Variants in SLC6A7 observed in about 807,000 individuals in gnomAD.
SLC6A7 encodes solute carrier family 6 member 7.
A neutral mutation model predicts 73.1 loss-of-function variants in SLC6A7; 58 were observed. That is an observed-to-expected ratio of 0.79 (90% confidence interval 0.64 to 0.99). The LOEUF is 0.99. SLC6A7 is among the 50% of genes least tolerant of loss of function. The pLI, the probability that SLC6A7 is intolerant of heterozygous loss-of-function variation, is 0.00. For synonymous variants in SLC6A7, 338 were observed against 338.7 expected, an observed-to-expected ratio of 1.00 and a Z score of 0.02; for missense variants, 783 against 831.4, an observed-to-expected ratio of 0.94 and a Z score of 0.72.
In SLC6A7 at chr5:150,203,809, C is replaced by A; in HGVS notation, c.1200+30C>A. ...GTCTCGTCTGTGGCAGCAGGCACCC[C>A]GTGTGTGTGTGGTGTGTGTGTGTGT... On this transcript the variant is annotated intron_variant, in intron 9 of 13. Transcript: ENST00000230671. 3 of 1,468,386 alleles carry A rather than the reference C, an allele frequency of 2.0e-6. 1 individual carries two copies. Among genetic ancestry groups the A allele is most frequent in the South Asian group, 2.3e-5 (2 of 87,738 alleles). 91.0% of individuals were successfully genotyped at this position (1,468,386 alleles called of 1,614,324 possible).
intron 1 of SLC6A7, among the ~76,000 whole-genome samples, chr5:150,190,630 G>GGCGC (rs1369554276): frequency 6.1e-4 from 93 of 152,312 alleles, no homozygotes; most frequent in African/African-American, 2.0e-3. Flanking sequence ...AGTCCCCGGA[G>GGCGC]GCGCGGGGTA....
chr5:150,194,832 C>G lies in SLC6A7; in HGVS notation c.138C>G (p.Phe46Leu). The G allele has an allele frequency of 6.2e-7, 1 of 1,614,182 alleles. No homozygotes were observed. Among genetic ancestry groups the G allele is most frequent in the African/African-American group, 1.3e-5 (1 of 75,040 alleles). Residue 46 changes from phenylalanine to leucine, a missense_variant, in exon 2 of 14, where the codon TTC becomes TTG. Transcript: ENST00000230671. ...GGAACTGGACAGGCAAGCTGGACTT[C>G]CTGCTGTCCTGCATTGGCTACTGTG... The part of the protein sequence containing the change: ...HRGNWTGKLD[F>L]LLSCIGYCVG...
chr5:150,208,494 C>T (rs565886766), intron 13 of SLC6A7, among the ~76,000 whole-genome samples: 14 of 152,168 alleles, frequency 9.2e-5, no homozygotes, highest in Non-Finnish European at 1.6e-4. Flanking sequence ...CCCTGGTGCA[C>T]ACTTTGGATT....
intron 1 of SLC6A7, 96 bp from the exon 2 acceptor site, chr5:150,194,632 T>G (rs974895094): frequency 1.2e-6 from 1 of 852,422 alleles, no homozygotes; most frequent in African/African-American, 1.7e-5. Flanking sequence ...TGTCTTTTCA[T>G]TTAGCCCTGT....
Position 150,202,673 on chromosome 5 carries a change from G to A in SLC6A7, c.1057G>A (p.Gly353Ser), listed in dbSNP as rs777701623. 1 of 1,614,180 alleles carries A rather than the reference G, an allele frequency of 6.2e-7. No individual in the cohort carries two copies. The highest frequency in any genetic ancestry group is 2.2e-5 in the East Asian group (1 of 44,890). The change falls in exon 8 of 14, where the codon GGC becomes AGC. Residue 353 changes from glycine (G) to serine (S), a missense_variant. Coordinates refer to ENST00000230671, the MANE Select transcript of SLC6A7 (RefSeq NM_014228.5). Reference sequence around the variant, plus strand: ...GCTGGGCTACATGTCTCAGGAGCTGGGCGTGCCTGTGGACCAAGTAGCCAA... The same window carrying A: ...GCTGGGCTACATGTCTCAGGAGCTGAGCGTGCCTGTGGACCAAGTAGCCAA... Reference protein sequence around the residue: ...SVLGYMSQELGVPVDQVAKAG... With the variant: ...SVLGYMSQELSVPVDQVAKAG...
At chr5:150,201,644 C>T (rs748669256) in intron 6 of SLC6A7, among the ~76,000 whole-genome samples, 1 of 152,088 alleles carries the variant, frequency 6.6e-6, no homozygotes, top group Admixed American at 6.6e-5. Context: ...AACTGAGGCT[C>T]AAAAGGGTTC....
At chr5:150,200,355 T>C (rs1753308938) in intron 5 of SLC6A7, among the ~76,000 whole-genome samples, 1 of 152,098 alleles carries the variant, frequency 6.6e-6, no homozygotes, top group Admixed American at 6.5e-5. Flanking sequence ...TAGCCGGGCA[T>C]GATGGCAGGT....
At position 150,209,799 on chromosome 5, in the gene SLC6A7, C is replaced by T; in HGVS notation, c.*184C>T. ...GCCTCTCCTGAAACCTCTGACAACC[C>T]CCTACACACACACACAGGCATACTC... On this transcript the variant is annotated 3_prime_UTR_variant, in exon 14 of 14. Coordinates refer to ENST00000230671, the MANE Select transcript of SLC6A7 (RefSeq NM_014228.5). 1 of 616,768 alleles carries T rather than the reference C, an allele frequency of 1.6e-6. No homozygotes were observed. Among genetic ancestry groups the T allele is most frequent in the Non-Finnish European group, 2.9e-6 (1 of 341,558 alleles). 38.2% of individuals were successfully genotyped at this position (616,768 alleles called of 1,614,324 possible). A position where few individuals can be genotyped will look rare whatever the true frequency, so the allele number is the denominator to read the frequency against.
intron 8 of SLC6A7, 100 bp downstream of exon 8, chr5:150,202,803 G>C: frequency 7.3e-7 from 1 of 1,364,470 alleles, no homozygotes; most frequent in Non-Finnish European, 1.0e-6. Flanking sequence ...GGCCAGGCGC[G>C]GTGGCTCATG....
In SLC6A7 at chr5:150,197,150, C is replaced by G. The variant is rs1219448561; in HGVS notation, c.458C>G (p.Pro153Arg). Residue 153 changes from proline to arginine, a missense_variant, in exon 4 of 14, where the codon CCC becomes CGC. Physicochemically the swap from Pro to Arg is moderately radical, Grantham distance 103 (BLOSUM62 -2). Transcript: ENST00000230671. ...YLFASLTSDLPWEHCGNWWNT... is the reference protein window; with the variant it reads ...YLFASLTSDLRWEHCGNWWNT... The stretch of plus-strand genomic sequence containing the variant: ...TTCGCCTCCCTCACCAGCGACCTAC[C>G]CTGGGAGCACTGTGGCAACTGGTGG... The G allele has an allele frequency of 3.1e-6, 5 of 1,614,070 alleles. No individual in the cohort carries two copies. Among genetic ancestry groups the G allele is most frequent in the Non-Finnish European group, 4.2e-6 (5 of 1,179,996 alleles).
intron 13 of SLC6A7, among the ~76,000 whole-genome samples, chr5:150,207,086 C>G: frequency 6.6e-6 from 1 of 152,146 alleles, no homozygotes; most frequent in East Asian, 1.9e-4. Flanking sequence ...GCCAGCCTCG[C>G]GGCCCTAAGC....
chr5:150,198,811 GGTGTGTGTGTGTGTGTGTGTGT>G (rs774414750), intron 4 of SLC6A7, among the ~76,000 whole-genome samples: 4 of 112,102 alleles, frequency 3.6e-5, no homozygotes, highest in South Asian at 3.3e-4. Context: ...GGCCCTGGAT[GGTGTGTGTGTGTGTGTGTGTGT>G]GTGTGTGTGT....
chr5:150,196,769 T>G lies in SLC6A7; in HGVS notation c.271T>G (p.Phe91Val). The G allele has an allele frequency of 6.2e-7, 1 of 1,614,084 alleles. No individual in the cohort carries two copies. The highest frequency in any genetic ancestry group is 8.5e-7 in the Non-Finnish European group (1 of 1,179,964). Residue 91 changes from phenylalanine to valine, a missense_variant, in exon 3 of 14, where the codon TTC (phenylalanine) becomes GTC (valine). Transcript: ENST00000230671. The part of the protein sequence containing the change: ...LMLAICGIPL[F>V]FLELSLGQFS... Reference sequence around the variant, plus strand: ...GCTGGCCATCTGTGGCATCCCCCTCTTCTTCCTGGAGCTCTCCCTGGGCCA... The same window carrying G: ...GCTGGCCATCTGTGGCATCCCCCTCGTCTTCCTGGAGCTCTCCCTGGGCCA...
chr5:150,198,863 T>TGA (rs749832541), intron 4 of SLC6A7, among the ~76,000 whole-genome samples: 21 of 144,678 alleles, frequency 1.5e-4, no homozygotes, highest in Non-Finnish European at 3.0e-4. Context: ...TGTGTGTGTG[T>TGA]GGTGTACACA....
intron 11 of SLC6A7, 97 bp downstream of exon 11, chr5:150,204,728 G>A: frequency 2.2e-6 from 3 of 1,356,812 alleles, no homozygotes; most frequent in South Asian, 2.4e-5. Context: ...TGGTCCCAAG[G>A]GCCAGGGTTT....
At chr5:150,198,858 G>GTA (rs1299176790) in intron 4 of SLC6A7, among the ~76,000 whole-genome samples, 98 of 149,640 alleles carry the variant, frequency 6.5e-4, no homozygotes, top group African/African-American at 2.4e-3. Flanking sequence ...GTGTGTGTGT[G>GTA]TGTGTGGTGT....
chr5:150,204,797 G>A (rs752411112), intron 11 of SLC6A7, 30 bp from the exon 12 acceptor site: 3 of 1,515,186 alleles, frequency 2.0e-6, no homozygotes, highest in Admixed American at 3.3e-5. Flanking sequence ...CCGGCGGGTG[G>A]GGCCATTCCT....
chr5:150,202,205 G>A (rs901803211), intron 6 of SLC6A7, 142 bp from the exon 7 acceptor site: 45 of 653,566 alleles, frequency 6.9e-5, no homozygotes, highest in Middle Eastern at 8.4e-4. Context: ...CCTGGTCCAC[G>A]TCACTTGTGA....
rs1354798883 is a variant in SLC6A7, at chr5:150,197,067, C to T, written c.375C>T (p.Ile125=). 4 of 1,614,050 alleles carry T rather than the reference C, an allele frequency of 2.5e-6. No individual in the cohort carries two copies. Among genetic ancestry groups the T allele is most frequent in the Non-Finnish European group, 2.5e-6 (3 of 1,179,980 alleles). The change falls in exon 4 of 14, where the codon ATC becomes ATT. Residue 125 remains isoleucine (I), a synonymous_variant. Transcript: ENST00000230671. ...FKGAGAAMLL[I]VGLVAIYYNM... ...GCGCCGGCGCAGCCATGCTGCTCAT[C>T]GTGGGCTTGGTGGCCATCTACTACA... is the stretch of plus-strand genomic sequence containing the variant.
Sources: allele counts gnomAD v4.1 joint callset (sites outside exome capture counted in the v4.1 genomes callset), GRCh38; gene constraint gnomAD v4.1.1; transcripts MANE v1.5; gene names NCBI Gene and HGNC (gene_info 2026-07-23, HGNC 2026-07-21).